MSL3: variants seen among roughly 807,000 people sequenced by gnomAD.
MSL3 encodes the protein MSL complex subunit 3.
MSL3 carries 5 observed loss-of-function variants against 37.2 expected under a neutral mutation model. The observed-to-expected ratio is 0.13, with a 90% CI of 0.07 to 0.28. MSL3 has a LOEUF of 0.28. MSL3 is among the 10% of genes least tolerant of loss of function. The pLI, the probability that MSL3 is intolerant of heterozygous loss-of-function variation, is 1.00. For missense variants in MSL3, 315 were observed against 408.5 expected (o/e 0.77, Z 1.97); for synonymous variants, 149 against 147.6 (o/e 1.01, Z -0.07).
rs2053146469 is a variant in MSL3 at position 11,762,965 on chromosome X, C to T, written c.717C>T (p.Asn239=). The T allele has an allele frequency of 5.8e-6, 7 of 1,206,859 alleles. No individual in the cohort carries two copies. Among genetic ancestry groups the T allele is most frequent in the African/African-American group, 1.7e-5 (1 of 57,213 alleles). The part of the protein sequence containing the change: ...PRHHHVMPHA[N]MNVHYIPAEK... ...ACCATCACGTTATGCCACATGCCAA[C>T]ATGAACGTGCATTATATCCCAGCAG... The change falls in exon 7 of 13, where the codon AAC becomes AAT. Residue 239 remains asparagine, a synonymous_variant. Transcript: ENST00000312196.
Position 11,772,275 on chromosome X carries a change from C to T in MSL3, c.1381+20C>T, listed in dbSNP as rs1361302768. 1.1e-5 allele frequency: 12 copies of T among 1,123,709 alleles called. No homozygotes were observed. Among genetic ancestry groups the T allele is most frequent in the Middle Eastern group, 2.4e-4 (1 of 4,152 alleles). The allele number at this position is 1,123,709 out of a possible 1,213,427, so 92.6% of individuals were successfully genotyped here. A position where few individuals can be genotyped will look rare whatever the true frequency, so the allele number is the denominator to read the frequency against. On this transcript the variant is annotated intron_variant, in intron 11 of 12. Transcript: ENST00000312196. Reference sequence around the variant, plus strand: ...TGTTTGGTAAGAATCCTGGTTCCTGCCTTCTTTCCATTTTTCATTTTGTAT... The same window carrying T: ...TGTTTGGTAAGAATCCTGGTTCCTGTCTTCTTTCCATTTTTCATTTTGTAT...
intron 9 of MSL3, chrX:11,765,934 G>A: frequency 4.8e-6 from 5 of 1,052,059 alleles, no homozygotes; most frequent in East Asian, 3.2e-5. Context: ...TGTGTTGGAG[G>A]CAGGACTGGG....
At chrX:11,760,323 A>G in intron 2 of MSL3, 80 bp from the exon 3 acceptor site, 2 of 631,685 alleles carry the variant, frequency 3.2e-6, no homozygotes. Flanking sequence ...ATTCTGGGGC[A>G]TTTCTATTGC....
At chrX:11,765,209 T>A (rs894587680) in intron 8 of MSL3, among the ~76,000 whole-genome samples, 1 of 112,114 alleles carries the variant, frequency 8.9e-6, no homozygotes, top group Non-Finnish European at 1.9e-5. Context: ...CAACCAAAAT[T>A]GTCTCCAGAC....
At chrX:11,762,644 A>T (rs1281588543) in intron 6 of MSL3, among the ~76,000 whole-genome samples, 193 bp from the exon 7 acceptor site, 1 of 112,901 alleles carries the variant, frequency 8.9e-6, no homozygotes, top group East Asian at 2.7e-4. Context: ...ATTGTAATCT[A>T]CATAAGGTTA....
chrX:11,767,979 C>A (rs1278259965), intron 9 of MSL3: 1 of 718,469 alleles, frequency 1.4e-6, no homozygotes, highest in Non-Finnish European at 1.6e-6. Context: ...TTTTCTGTTT[C>A]TCTTTGTACT....
intron 10 of MSL3, among the ~76,000 whole-genome samples, chrX:11,770,741 A>G (rs1051518312): frequency 3.6e-5 from 4 of 112,112 alleles, no homozygotes; most frequent in Non-Finnish European, 5.6e-5. Flanking sequence ...TTTTCCCCGG[A>G]AAATGTGTCT....
In MSL3 at chrX:11,759,677, G is replaced by T; in HGVS notation, c.103-116G>T. Reference sequence around the variant, plus strand: ...GAAAAATATTTCAACCCGGCTGTCGGTCTAAAAGAGGAGAGAATGCTTTCT... The same window carrying T: ...GAAAAATATTTCAACCCGGCTGTCGTTCTAAAAGAGGAGAGAATGCTTTCT... On this transcript the variant is annotated intron_variant, in intron 1 of 12. Coordinates refer to ENST00000312196, the MANE Select transcript of MSL3 (RefSeq NM_078629.4). 4 of 1,154,774 alleles carry T rather than the reference G, an allele frequency of 3.5e-6. No homozygotes were observed. In the South Asian group the frequency reaches 8.3e-5, roughly 24 times the overall value.
In MSL3 at chrX:11,762,326, T is replaced by C. The variant is rs564445155; in HGVS notation, c.588+74T>C. ...TTGCCATAGTTTGCAATCATAGACG[T>C]AAGCAATAGCGAATCTTGGTGGAAC... On this transcript the variant is annotated intron_variant, in intron 6 of 12. Coordinates refer to ENST00000312196, the MANE Select transcript of MSL3 (RefSeq NM_078629.4). The C allele has an allele frequency of 1.7e-3, 1,550 of 910,546 alleles. 21 individuals are homozygous for C. In the South Asian group the frequency reaches 0.037, roughly 22 times the overall value. 75.0% of individuals were successfully genotyped at this position (910,546 alleles called of 1,213,427 possible). A position where few individuals can be genotyped will look rare whatever the true frequency, so the allele number is the denominator to read the frequency against.
rs1231114955 is a variant in MSL3, at chrX:11,765,673, G to A, written c.1115G>A (p.Arg372His). 2 of 1,210,639 alleles carry A rather than the reference G, an allele frequency of 1.7e-6. No individual in the cohort carries two copies. Among genetic ancestry groups the A allele is most frequent in the Non-Finnish European group, 2.2e-6 (2 of 895,289 alleles). ...SESSASPQPK[R>H]RQQDTSASMP... ...AGCAGCGCTTCACCTCAGCCCAAGC[G>A]CCGGCAGCAGGACACATCCGCCAGC... is the stretch of plus-strand genomic sequence containing the variant. The change falls in exon 9 of 13, where the codon CGC (arginine) becomes CAC (histidine). Residue 372 changes from arginine to histidine, a missense_variant. Physicochemically the swap from Arg to His is conservative, Grantham distance 29 (BLOSUM62 0). Coordinates refer to ENST00000312196, the MANE Select transcript of MSL3 (RefSeq NM_078629.4).
chrX:11,766,249 A>C, intron 9 of MSL3: 1 of 762,250 alleles, frequency 1.3e-6, no homozygotes, highest in East Asian at 1.4e-4. Context: ...TTTGAGCTGG[A>C]ATGTTTCAAT....
chrX:11,765,562 C>G lies in MSL3; in HGVS notation c.1004C>G (p.Pro335Arg). The change falls in exon 9 of 13, where the codon CCC becomes CGC. Residue 335 changes from proline to arginine, a missense_variant. By Grantham distance (103) the Pro-to-Arg change is moderately radical (BLOSUM62 -2). Coordinates refer to ENST00000312196, the MANE Select transcript of MSL3 (RefSeq NM_078629.4). ...CCGACCACCGGTGAACCAGCCACCC[C>G]CAAAAGGCGCAAAGCTGAGCCAGAA... ...SQPTTGEPAT[P>R]KRRKAEPEAL... 1.7e-6 allele frequency: 2 copies of G among 1,211,240 alleles called. No homozygotes were observed. Among genetic ancestry groups the G allele is most frequent in the Non-Finnish European group, 2.2e-6 (2 of 895,291 alleles).
rs1316414047 is a variant in MSL3 at position 11,775,571 on chromosome X, G to A, written c.*492G>A. The A allele has an allele frequency of 8.8e-6, 1 of 113,677 alleles. No individual in the cohort carries two copies. The highest frequency in any genetic ancestry group is 9.3e-5 in the Admixed American group (1 of 10,763). The allele number at this position is 113,677 out of a possible 1,213,427, so 9.4% of individuals were successfully genotyped here. On this transcript the variant is annotated 3_prime_UTR_variant, in exon 13 of 13. Transcript: ENST00000312196. ...CGATATTGATGGCAAAAGAAAATTT[G>A]CAGCTATGCATTTGCTTCTAACGGT...
intron 8 of MSL3, 99 bp from the exon 9 acceptor site, chrX:11,765,368 G>A (rs2053170811): frequency 3.0e-6 from 3 of 1,015,043 alleles, no homozygotes; most frequent in East Asian, 3.1e-5. Context: ...ACATATTTAC[G>A]ACCCTCCTGG....
chrX:11,773,852 T>A (rs747036323), intron 12 of MSL3, among the ~76,000 whole-genome samples: 2 of 111,813 alleles, frequency 1.8e-5, no homozygotes, highest in Admixed American at 9.5e-5. Context: ...ATGGACTCAA[T>A]AATGATCATA....
intron 4 of MSL3, chrX:11,761,203 T>A (rs776236239): frequency 3.7e-5 from 13 of 352,267 alleles, no homozygotes; most frequent in Non-Finnish European, 5.8e-5. Context: ...GGATCTGTTC[T>A]CTTTTTGGCA....
intron 9 of MSL3, chrX:11,766,082 G>A: frequency 1.1e-6 from 1 of 918,547 alleles, no homozygotes. Context: ...TTAGCTTTTT[G>A]TTTTCTTTGT....
chrX:11,767,696 C>T, intron 9 of MSL3: 2 of 135,005 alleles, frequency 1.5e-5, no homozygotes, highest in Non-Finnish European at 2.7e-5. Flanking sequence ...GTTGGGCAAC[C>T]ATCACTGAAA....
At chrX:11,772,790 G>A in intron 12 of MSL3, 85 bp downstream of exon 12, 1 of 508,194 alleles carries the variant, frequency 2.0e-6, no homozygotes, top group Non-Finnish European at 3.3e-6. Context: ...GGGGAAGTCA[G>A]CTCTGTGATA....
Sources: gnomAD v4.1 joint callset for allele counts (sites outside exome capture counted in the v4.1 genomes callset) on GRCh38, gnomAD v4.1.1 for gene constraint, MANE v1.5 for transcripts, NCBI Gene and HGNC (gene_info 2026-07-23, HGNC 2026-07-21) for gene names.